Variants in CHI3L2 observed in about 807,000 individuals in gnomAD.
CHI3L2 encodes the protein chitinase 3 like 2, also known as chitinase-3-like protein 2.
In CHI3L2, 47 loss-of-function variants were observed where a neutral mutation model predicts 47.3. That is an observed-to-expected ratio of 0.99 (90% CI 0.79 to 1.27). The LOEUF (loss-of-function observed/expected upper bound fraction) is 1.27. CHI3L2 is among the 50% of genes most tolerant of loss of function. The pLI is 0.00. For synonymous variants in CHI3L2, 198 were observed against 169.9 expected, an observed-to-expected ratio of 1.17 and a Z score of -1.28; for missense variants, 497 against 462.1, an observed-to-expected ratio of 1.08 and a Z score of -0.69.
rs1343174271 is a variant in CHI3L2, at chr1:111,230,819, AAT to A, written c.151_152del (p.Ile51Ter). Reference protein sequence around the residue: ...RQEPGKFTPENIDPFLCSHLI... With the variant: ...RQEPGKFTPEXIDPFLCSHLI... ...GGAACCAGGAAAATTCACCCCTGAG[AAT>A]ATTGACCCCTTCCTATGCTCTCATC... On this transcript the variant is annotated frameshift_variant, in exon 3 of 11. Coordinates refer to ENST00000369748, the MANE Select transcript of CHI3L2 (RefSeq NM_004000.3). LOFTEE classifies it high-confidence loss of function. The A allele has an allele frequency of 6.2e-7, 1 of 1,614,104 alleles. No individual in the cohort carries two copies. The highest frequency in any genetic ancestry group is 8.5e-7 in the Non-Finnish European group (1 of 1,180,024).
At chr1:111,227,689 G>C, upstream of CHI3L2, 1 of 1,607,648 alleles carries the variant, frequency 6.2e-7, no homozygotes, top group African/African-American at 1.3e-5. Flanking sequence ...GTGGATAAAA[G>C]ACCTAGAGAA....
At position 111,235,050 on chromosome 1, in the gene CHI3L2, T is replaced by G; in HGVS notation, c.473T>G (p.Leu158Arg). The change falls in exon 5 of 11, where the codon CTG becomes CGG. Residue 158 changes from leucine (L) to arginine (R), a missense_variant. Coordinates refer to ENST00000369748, the MANE Select transcript of CHI3L2 (RefSeq NM_004000.3). ...AAAGAAAACACTCATTTCACTGTGC[T>G]GATTCATGTAAGTCATGAATCAAGT... is the stretch of plus-strand genomic sequence containing the variant. The part of the protein sequence containing the change: ...DQKENTHFTV[L>R]IHELAEAFQK... The G allele has an allele frequency of 6.2e-7, 1 of 1,613,892 alleles. No individual in the cohort carries two copies. Among genetic ancestry groups the G allele is most frequent in the Non-Finnish European group, 8.5e-7 (1 of 1,180,006 alleles).
In CHI3L2 at chr1:111,231,242, C is replaced by G. The variant is rs1267053010; in HGVS notation, c.277C>G (p.Pro93Ala). 1 of 1,609,666 alleles carries G rather than the reference C, an allele frequency of 6.2e-7. No individual in the cohort carries two copies. Among genetic ancestry groups the G allele is most frequent in the Non-Finnish European group, 8.5e-7 (1 of 1,176,066 alleles). ...CATCTTATTCTTCTACTTCAGGAAT[C>G]CCAAACTGAAAATTCTCTTGTCCAT... ...QTINSLKTKN[P>A]KLKILLSIGG... Residue 93 changes from proline to alanine, a missense_variant, in exon 4 of 11, where the codon CCC becomes GCC. Transcript: ENST00000369748.
chr1:111,239,032 G>A, intron 8 of CHI3L2, 100 bp downstream of exon 8: 2 of 1,215,090 alleles, frequency 1.6e-6, no homozygotes, highest in Non-Finnish European at 2.3e-6. Flanking sequence ...GTGTTGCGAA[G>A]GGGAAAGGGC....
intron 8 of CHI3L2, 43 bp from the exon 9 acceptor site, chr1:111,241,284 A>G: frequency 9.2e-7 from 1 of 1,090,038 alleles, no homozygotes; most frequent in Middle Eastern, 2.0e-4. Context: ...AAGTTTCAAG[A>G]ATAACCCATT....
In CHI3L2 at chr1:111,235,017, C is replaced by G; in HGVS notation, c.440C>G (p.Pro147Arg). ...FDGLDVSWIY[P>R]DQKENTHFTV... ...GGACTGGATGTAAGCTGGATCTACC[C>G]AGATCAGAAAGAAAACACTCATTTC... The change falls in exon 5 of 11, where the codon CCA becomes CGA. Residue 147 changes from proline to arginine, a missense_variant. By Grantham distance (103) the Pro-to-Arg change is moderately radical (BLOSUM62 -2). Coordinates refer to ENST00000369748, the MANE Select transcript of CHI3L2 (RefSeq NM_004000.3). 1 of 1,614,078 alleles carries G rather than the reference C, an allele frequency of 6.2e-7. No homozygotes were observed. The highest frequency in any genetic ancestry group is 8.5e-7 in the Non-Finnish European group (1 of 1,180,002).
At chr1:111,233,078 G>A (rs1659773794) in intron 4 of CHI3L2, among the ~76,000 whole-genome samples, 1 of 152,176 alleles carries the variant, frequency 6.6e-6, no homozygotes, top group Admixed American at 6.5e-5. Flanking sequence ...ATGTCCTCAG[G>A]AAAATACCAG....
rs146994563 is a variant in CHI3L2, at chr1:111,230,935, C to T, written c.264C>T (p.Leu88=). ...EVMLYQTINS[L]KTKNPKLKIL... ...TGCTCTACCAGACCATCAACAGTCT[C>T]AAAACCAAGTGAGTAAGATGGGGGT... The change falls in exon 3 of 11, where the codon CTC becomes CTT. Residue 88 remains leucine (L), a synonymous_variant. Coordinates refer to ENST00000369748, the MANE Select transcript of CHI3L2 (RefSeq NM_004000.3). 1,226 of 1,613,920 alleles carry T rather than the reference C, an allele frequency of 7.6e-4. No individual in the cohort carries two copies. The highest frequency in any genetic ancestry group is 9.4e-4 in the Non-Finnish European group (1,112 of 1,179,860).
intron 4 of CHI3L2, among the ~76,000 whole-genome samples, chr1:111,231,886 C>T (rs575993189): frequency 6.6e-6 from 1 of 152,328 alleles, no homozygotes; most frequent in East Asian, 1.9e-4. Flanking sequence ...AATGATATCC[C>T]ATTTACATCA....
In CHI3L2 at chr1:111,230,827, C is replaced by A; in HGVS notation, c.156C>A (p.Asp52Glu). ...GAAAATTCACCCCTGAGAATATTGA[C>A]CCCTTCCTATGCTCTCATCTCATCT... ...EPGKFTPENI[D>E]PFLCSHLIYS... Residue 52 changes from aspartate to glutamate, a missense_variant, in exon 3 of 11, where the codon GAC becomes GAA. Physicochemically the swap from Asp to Glu is conservative, Grantham distance 45. Coordinates refer to ENST00000369748, the MANE Select transcript of CHI3L2 (RefSeq NM_004000.3). 1 of 1,614,082 alleles carries A rather than the reference C, an allele frequency of 6.2e-7. No homozygotes were observed. The highest frequency in any genetic ancestry group is 8.5e-7 in the Non-Finnish European group (1 of 1,179,976).
At chr1:111,241,295 A>G (rs370279366) in intron 8 of CHI3L2, 32 bp from the exon 9 acceptor site, 1 of 1,190,574 alleles carries the variant, frequency 8.4e-7, no homozygotes, top group African/African-American at 1.5e-5. Context: ...ATAACCCATT[A>G]CTGACCCTCT....
intron 1 of CHI3L2, 27 bp downstream of exon 1, chr1:111,227,796 G>A: frequency 1.9e-6 from 3 of 1,609,538 alleles, no homozygotes; most frequent in Non-Finnish European, 1.7e-6. Context: ...TAATTCAGCA[G>A]GAAATTTGGT....
At chr1:111,239,069 T>C (rs1659972091) in intron 8 of CHI3L2, 137 bp downstream of exon 8, 4 of 809,768 alleles carry the variant, frequency 4.9e-6, no homozygotes, top group Non-Finnish European at 7.3e-6. Context: ...TGTGAGGGGA[T>C]CTCCTAACTC....
chr1:111,231,294 G>A lies in CHI3L2; in HGVS notation c.329G>A (p.Gly110Glu), dbSNP rs777322730. The A allele has an allele frequency of 3.7e-5, 59 of 1,603,208 alleles. No individual in the cohort carries two copies. The highest frequency in any genetic ancestry group is 6.8e-6 in the Non-Finnish European group (8 of 1,171,618). Residue 110 changes from glycine to glutamate, a missense_variant and splice_region_variant, in exon 4 of 11, where the codon GGG becomes GAG. Physicochemically the swap from Gly to Glu is moderately conservative, Grantham distance 98 (BLOSUM62 -2). Transcript: ENST00000369748. ...GGAGGGTACCTGTTTGGTTCCAAAG[G>A]GTAAGACTACATCTTTATTTTTTGT... ...SIGGYLFGSK[G>E]FHPMVDSSTS...
intron 8 of CHI3L2, among the ~76,000 whole-genome samples, chr1:111,241,096 T>G (rs373485607): frequency 6.6e-6 from 1 of 152,362 alleles, no homozygotes; most frequent in East Asian, 1.9e-4. Flanking sequence ...TTCTGATTTC[T>G]AGCTGCTGTG....
chr1:111,230,539 C>A (rs559790711), intron 2 of CHI3L2, among the ~76,000 whole-genome samples: 27 of 152,264 alleles, frequency 1.8e-4, no homozygotes, highest in African/African-American at 6.5e-4. Flanking sequence ...CAGGTGTGAG[C>A]CACTGTGCCC....
At chr1:111,238,623 C>G in intron 7 of CHI3L2, 127 bp from the exon 8 acceptor site, 1 of 910,914 alleles carries the variant, frequency 1.1e-6, no homozygotes, top group South Asian at 1.5e-5. Context: ...GGGGTCTGGT[C>G]TGTTCACACT....
At position 111,243,229 on chromosome 1, in the gene CHI3L2, G is replaced by A. The variant is rs1660113886; in HGVS notation, c.*15G>A. 2.2e-6 allele frequency: 1 copy of A among 455,948 alleles called. No individual in the cohort carries two copies. The highest frequency in any genetic ancestry group is 2.0e-5 in the African/African-American group (1 of 50,060). 28.2% of individuals were successfully genotyped at this position (455,948 alleles called of 1,614,324 possible). A position where few individuals can be genotyped will look rare whatever the true frequency, so the allele number is the denominator to read the frequency against. On this transcript the variant is annotated 3_prime_UTR_variant, in exon 11 of 11. Coordinates refer to ENST00000369748, the MANE Select transcript of CHI3L2 (RefSeq NM_004000.3). ...CTTTTGTTTCCAGGATTAACTTACA[G>A]AGAAGCAGGCAAGATGACCTTGCTG... is the stretch of plus-strand genomic sequence containing the variant.
rs140319418 is a variant in CHI3L2, at chr1:111,239,568, A to G, written c.918+636A>G. On this transcript the variant is annotated intron_variant, in intron 8 of 10. Coordinates refer to ENST00000369748, the MANE Select transcript of CHI3L2 (RefSeq NM_004000.3). ...ATATTAAGGTAACTGACAAGGAACT[A>G]CAAGAGGGATAGGAGGAACCCACCC... 2.4e-4 allele frequency among the ~76,000 whole-genome samples: 37 copies of G among 152,326 alleles called. 1 individual carries two copies. In the East Asian group the frequency reaches 7.0e-3, roughly 29 times the overall value.
Sources: allele counts gnomAD v4.1 joint callset (sites outside exome capture counted in the v4.1 genomes callset), GRCh38; gene constraint gnomAD v4.1.1; transcripts MANE v1.5; gene names NCBI Gene and HGNC (gene_info 2026-07-23, HGNC 2026-07-21).